TENM2: variants seen among roughly 807,000 people sequenced by gnomAD.
TENM2 encodes teneurin-2.
TENM2 carries 52 observed loss-of-function variants against 245.2 expected under a neutral mutation model. The observed-to-expected ratio is 0.21, with a 90% CI of 0.17 to 0.27. The LOEUF is 0.27. TENM2 is among the 10% of genes least tolerant of loss of function. TENM2 has a pLI of 1.00. For missense variants in TENM2, 3,046 were observed against 3,666.8 expected (o/e 0.83, Z 4.37); for synonymous variants, 1,363 against 1,438.9 (o/e 0.95, Z 1.19).
chr5:167,359,379 A>C (rs1357486586), intron 1 of TENM2, among the ~76,000 whole-genome samples: 1 of 152,116 alleles, frequency 6.6e-6, no homozygotes, highest in Non-Finnish European at 1.5e-5. Context: ...TGGCTTCCTC[A>C]TGCAGCAGGT....
intron 13 of TENM2, among the ~76,000 whole-genome samples, chr5:168,172,634 A>G (rs1463176840): frequency 6.6e-6 from 1 of 152,190 alleles, no homozygotes; most frequent in Non-Finnish European, 1.5e-5. Flanking sequence ...GGCAGAGCAT[A>G]AGTGCTTGAA....
chr5:167,077,609 T>C, the TENM2 span, among the ~76,000 whole-genome samples: 4 of 152,228 alleles, frequency 2.6e-5, no homozygotes, highest in East Asian at 7.7e-4. Flanking sequence ...ATTAATTATG[T>C]ATTTTTAAAT....
At chr5:167,886,666 G>T (rs983546523) in intron 3 of TENM2, among the ~76,000 whole-genome samples, 1 of 152,184 alleles carries the variant, frequency 6.6e-6, no homozygotes, top group Non-Finnish European at 1.5e-5. Flanking sequence ...GAAGAAGATT[G>T]CTATTTTTGA....
intron 2 of TENM2, among the ~76,000 whole-genome samples, chr5:167,833,879 A>G (rs1768735289): frequency 6.6e-6 from 1 of 152,102 alleles, no homozygotes; most frequent in East Asian, 1.9e-4. Flanking sequence ...CATTGCTCTC[A>G]TTTCCTACAG....
intron 1 of TENM2, among the ~76,000 whole-genome samples, chr5:167,286,736 T>C (rs941675512): frequency 2.6e-5 from 4 of 152,216 alleles, no homozygotes; most frequent in African/African-American, 7.2e-5. Flanking sequence ...TAAAAGTGCA[T>C]CCTGGCTTCT....
At chr5:167,043,493 A>G in the TENM2 span, among the ~76,000 whole-genome samples, 2 of 152,122 alleles carry the variant, frequency 1.3e-5, no homozygotes, top group Non-Finnish European at 2.9e-5. Flanking sequence ...TAAGGTGAAA[A>G]AATAAAAATT....
the TENM2 span, among the ~76,000 whole-genome samples, chr5:167,183,227 T>G: frequency 6.6e-6 from 1 of 152,158 alleles, no homozygotes; most frequent in African/African-American, 2.4e-5. Flanking sequence ...GCTGGTTTGA[T>G]GATGTATTCC....
chr5:167,158,678 G>T, the TENM2 span, among the ~76,000 whole-genome samples: 1 of 152,068 alleles, frequency 6.6e-6, no homozygotes, highest in African/African-American at 2.4e-5. Context: ...GCACATGTAA[G>T]CTCTCCTGTC....
At chr5:167,378,664 A>T (rs574723513) in intron 2 of TENM2, among the ~76,000 whole-genome samples, 1 of 152,080 alleles carries the variant, frequency 6.6e-6, no homozygotes, top group Non-Finnish European at 1.5e-5. Flanking sequence ...CTTTTGTTCA[A>T]TAATAAATGT....
At chr5:168,110,301 A>C (rs1794582022) in intron 9 of TENM2, among the ~76,000 whole-genome samples, 1 of 152,144 alleles carries the variant, frequency 6.6e-6, no homozygotes, top group African/African-American at 2.4e-5. Context: ...GTTTTCTCCC[A>C]GTGAAAACAG....
At chr5:167,149,428 G>A in the TENM2 span, among the ~76,000 whole-genome samples, 1 of 151,678 alleles carries the variant, frequency 6.6e-6, no homozygotes, top group Non-Finnish European at 1.5e-5. Flanking sequence ...AATATTATGT[G>A]GAATATTTTA....
intron 2 of TENM2, among the ~76,000 whole-genome samples, chr5:167,473,199 A>C (rs932989320): frequency 1.3e-5 from 2 of 152,220 alleles, no homozygotes; most frequent in African/African-American, 4.8e-5. Context: ...CATTGTGAGC[A>C]TAACTGCCCT....
At chr5:168,242,190 T>C (rs1363136552) in intron 25 of TENM2, among the ~76,000 whole-genome samples, 1 of 152,180 alleles carries the variant, frequency 6.6e-6, no homozygotes. Context: ...AACAACCACT[T>C]ACATCTTGTT....
At chr5:167,235,540 C>T in the TENM2 span, among the ~76,000 whole-genome samples, 1 of 152,160 alleles carries the variant, frequency 6.6e-6, no homozygotes, top group Admixed American at 6.5e-5. Flanking sequence ...CACATCTTTT[C>T]ACACAGTTGG....
chr5:167,766,980 A>G (rs1763071878), intron 2 of TENM2, among the ~76,000 whole-genome samples: 1 of 152,230 alleles, frequency 6.6e-6, no homozygotes, highest in Non-Finnish European at 1.5e-5. Context: ...TTGCTGTGGA[A>G]AAAAGTGTAG....
chr5:167,697,058 C>T (rs1360416056), intron 2 of TENM2, among the ~76,000 whole-genome samples: 1 of 152,212 alleles, frequency 6.6e-6, no homozygotes, highest in African/African-American at 2.4e-5. Flanking sequence ...CCTTACCCTC[C>T]TCCAGTTTCT....
chr5:167,796,719 G>C (rs547503874), intron 2 of TENM2, among the ~76,000 whole-genome samples: 3 of 151,924 alleles, frequency 2.0e-5, no homozygotes, highest in African/African-American at 4.8e-5. Context: ...TATCTTCTTC[G>C]TAGGAGATTG....
intron 1 of TENM2, among the ~76,000 whole-genome samples, chr5:167,347,979 C>T (rs915792305): frequency 5.3e-5 from 8 of 152,096 alleles, no homozygotes; most frequent in Admixed American, 1.3e-4. Flanking sequence ...TCATGTCCAC[C>T]GTGCCCTTTG....
At chr5:167,123,911 A>G in the TENM2 span, among the ~76,000 whole-genome samples, 2 of 152,254 alleles carry the variant, frequency 1.3e-5, no homozygotes, top group South Asian at 2.1e-4. Flanking sequence ...AATTTTTATG[A>G]AAAAGGTGGA....
Sources: gnomAD v4.1 joint callset for allele counts (sites outside exome capture counted in the v4.1 genomes callset) on GRCh38, gnomAD v4.1.1 for gene constraint, MANE v1.5 for transcripts, NCBI Gene and HGNC (gene_info 2026-07-23, HGNC 2026-07-21) for gene names.